The following FHIT variants were observed in gnomAD, a reference collection of about 807,000 sequenced individuals.
The protein encoded by FHIT is bis(5'-adenosyl)-triphosphatase.
FHIT carries 19 observed loss-of-function variants against 17.9 expected under a neutral mutation model. That is an observed-to-expected ratio of 1.06 (90% CI 0.74 to 1.56). The LOEUF (loss-of-function observed/expected upper bound fraction) is 1.56, where lower values mean the gene tolerates loss of function less well. Ranked by LOEUF, FHIT falls within the 40% of genes most tolerant of loss-of-function variation. The pLI is 0.00. For missense variants in FHIT, 248 were observed against 189.2 expected (o/e 1.31, Z -1.82); for synonymous variants, 81 against 69.7 (o/e 1.16, Z -0.81).
chr3:61,170,405 C>T (rs1029191606), intron 2 of FHIT, among the ~76,000 whole-genome samples: 1 of 152,128 alleles, frequency 6.6e-6, no homozygotes, highest in African/African-American at 2.4e-5. Flanking sequence ...TTCAGGGGTA[C>T]ATATGCAGGC....
At chr3:61,149,280 A>G (rs1020114425) in intron 2 of FHIT, among the ~76,000 whole-genome samples, 2 of 152,172 alleles carry the variant, frequency 1.3e-5, no homozygotes, top group Non-Finnish European at 2.9e-5. Context: ...TTTGGGTACA[A>G]TGACAAGGAC....
At chr3:60,963,748 A>G (rs1319061752) in intron 3 of FHIT, among the ~76,000 whole-genome samples, 1 of 152,022 alleles carries the variant, frequency 6.6e-6, no homozygotes, top group Non-Finnish European at 1.5e-5. Context: ...TTTTTGAATG[A>G]GTTTCTTAAT....
intron 8 of FHIT, among the ~76,000 whole-genome samples, chr3:59,827,561 G>C (rs1433999141): frequency 6.6e-6 from 1 of 152,152 alleles, no homozygotes; most frequent in Admixed American, 6.5e-5. Flanking sequence ...GTGCTTTACA[G>C]GCACATATCA....
At chr3:60,411,362 A>T (rs1335877094) in intron 5 of FHIT, among the ~76,000 whole-genome samples, 2 of 152,164 alleles carry the variant, frequency 1.3e-5, no homozygotes, top group Non-Finnish European at 2.9e-5. Flanking sequence ...TATTTTTTAT[A>T]ACCTCCTCTT....
chr3:60,770,719 C>T (rs782239722), intron 4 of FHIT, among the ~76,000 whole-genome samples: 16 of 152,188 alleles, frequency 1.1e-4, no homozygotes, highest in Non-Finnish European at 1.5e-4. Context: ...AAATGTTCTG[C>T]AGTCAACAGC....
intron 5 of FHIT, among the ~76,000 whole-genome samples, chr3:60,444,028 T>C (rs1245514861): frequency 1.3e-5 from 2 of 151,912 alleles, no homozygotes; most frequent in Non-Finnish European, 2.9e-5. Context: ...AAAAACTGGG[T>C]GAAGGATATG....
At chr3:60,116,883 T>G (rs1175636955) in intron 5 of FHIT, among the ~76,000 whole-genome samples, 1 of 135,612 alleles carries the variant, frequency 7.4e-6, no homozygotes, top group Non-Finnish European at 1.7e-5. Context: ...AAAATTTCCC[T>G]TCTATTTTTT....
intron 8 of FHIT, among the ~76,000 whole-genome samples, chr3:59,824,069 CA>C (rs149412790): frequency 0.017 from 2,579 of 152,258 alleles, 74 homozygotes; most frequent in African/African-American, 0.059. Flanking sequence ...AGTTGAGAAT[CA>C]AATCAAGAGC....
intron 8 of FHIT, among the ~76,000 whole-genome samples, chr3:59,837,058 A>T (rs1475813914): frequency 6.6e-6 from 1 of 152,192 alleles, no homozygotes; most frequent in African/African-American, 2.4e-5. Flanking sequence ...GAAAAAAAAG[A>T]GTTCAGTTTT....
chr3:60,491,791 C>T (rs2734353), intron 5 of FHIT, among the ~76,000 whole-genome samples: 151,628 of 152,306 alleles, frequency 1, 75,478 homozygotes, highest in Middle Eastern at 1. Context: ...TGGGGTAGGC[C>T]ACCAATTTTG....
At chr3:60,235,073 A>C (rs1375340514) in intron 5 of FHIT, among the ~76,000 whole-genome samples, 1 of 152,076 alleles carries the variant, frequency 6.6e-6, no homozygotes, top group Non-Finnish European at 1.5e-5. Context: ...AGAGATTCAA[A>C]AATCACATCC....
At chr3:61,212,913 T>A (rs1486314618) in intron 1 of FHIT, among the ~76,000 whole-genome samples, 4 of 152,134 alleles carry the variant, frequency 2.6e-5, no homozygotes, top group African/African-American at 9.7e-5. Flanking sequence ...CTAAGCTTCA[T>A]AAGTGAAGGA....
intron 5 of FHIT, among the ~76,000 whole-genome samples, chr3:60,362,516 T>C (rs373568036): frequency 1.3e-5 from 2 of 152,198 alleles, no homozygotes; most frequent in East Asian, 1.9e-4. Flanking sequence ...TGTGTGCTTA[T>C]TGTGGATAAG....
intron 2 of FHIT, among the ~76,000 whole-genome samples, chr3:61,153,576 T>C (rs937884076): frequency 6.6e-6 from 1 of 152,176 alleles, no homozygotes; most frequent in Non-Finnish European, 1.5e-5. Context: ...TTTGGTGATA[T>C]AGATGGAGCT....
At chr3:60,753,606 T>C (rs1342849841) in intron 4 of FHIT, among the ~76,000 whole-genome samples, 1 of 152,212 alleles carries the variant, frequency 6.6e-6, no homozygotes, top group Non-Finnish European at 1.5e-5. Flanking sequence ...TTCTTGATTC[T>C]TCCATCTAAT....
intron 3 of FHIT, among the ~76,000 whole-genome samples, chr3:60,946,162 A>T (rs945191756): frequency 6.6e-6 from 1 of 152,200 alleles, no homozygotes. Flanking sequence ...CTGTAAGTCA[A>T]CAGATTGGAG....
At chr3:60,395,886 T>A (rs1158100011) in intron 5 of FHIT, among the ~76,000 whole-genome samples, 1 of 152,172 alleles carries the variant, frequency 6.6e-6, no homozygotes, top group Non-Finnish European at 1.5e-5. Context: ...TAACTTTTTC[T>A]TGGAAGGTGA....
chr3:61,243,356 A>G (rs1576287121), intron 1 of FHIT, among the ~76,000 whole-genome samples: 1 of 152,184 alleles, frequency 6.6e-6, no homozygotes, highest in Non-Finnish European at 1.5e-5. Flanking sequence ...GTGCCCCAGG[A>G]GCAGAACCTA....
chr3:60,380,673 ATGAG>A (rs1401518445), intron 5 of FHIT, among the ~76,000 whole-genome samples: 1 of 152,198 alleles, frequency 6.6e-6, no homozygotes, highest in African/African-American at 2.4e-5. Context: ...GTCTCACTGC[ATGAG>A]TATTTTCCAT....
Sources: gnomAD v4.1 joint callset for allele counts (sites outside exome capture counted in the v4.1 genomes callset) on GRCh38, gnomAD v4.1.1 for gene constraint, MANE v1.5 for transcripts, NCBI Gene and HGNC (gene_info 2026-07-23, HGNC 2026-07-21) for gene names.